The following ANKFN1 variants were observed in gnomAD, a reference collection of about 807,000 sequenced individuals.
ANKFN1 encodes the protein ankyrin repeat and fibronectin type III domain containing 1, also known as ankyrin repeat and fibronectin type-III domain-containing protein 1.
Under a neutral mutation model 108.7 loss-of-function variants are expected in ANKFN1, and 74 were observed. That is an observed-to-expected ratio of 0.68 (90% CI 0.56 to 0.83). ANKFN1 has a LOEUF of 0.83. Ranked by LOEUF, ANKFN1 falls within the 40% of genes least tolerant of loss-of-function variation. ANKFN1 has a pLI of 0.00. For synonymous variants in ANKFN1, 547 were observed against 516.2 expected (o/e 1.06, Z -0.81); for missense variants, 1,505 against 1,382.3 (o/e 1.09, Z -1.41).
chr17:56,402,117 G>A (rs1371175119), intron 8 of ANKFN1, among the ~76,000 whole-genome samples: 2 of 152,046 alleles, frequency 1.3e-5, no homozygotes, highest in Admixed American at 1.3e-4. Flanking sequence ...AAGGATTTTA[G>A]CATCTATGTT....
At chr17:56,366,498 C>G (rs1342282896) in intron 6 of ANKFN1, among the ~76,000 whole-genome samples, 1 of 152,190 alleles carries the variant, frequency 6.6e-6, no homozygotes, top group East Asian at 1.9e-4. Context: ...TCACTCACCA[C>G]TCACTCACTG....
At chr17:56,148,615 T>A (rs1908408856), upstream of ANKFN1, among the ~76,000 whole-genome samples, 1 of 151,868 alleles carries the variant, frequency 6.6e-6, no homozygotes. Flanking sequence ...AACATAGGTA[T>A]GACACAGCTA....
chr17:56,188,923 C>T lies in ANKFN1; in HGVS notation c.-70-23675C>T, dbSNP rs1395684857. Among the ~76,000 whole-genome samples, 3 of 151,918 alleles carry T rather than the reference C, an allele frequency of 2.0e-5. 1 individual carries two copies. The highest frequency in any genetic ancestry group is 2.0e-4 in the Admixed American group (3 of 15,256). On this transcript the variant is annotated intron_variant, in intron 1 of 20. Coordinates refer to ENST00000682825, the MANE Select transcript of ANKFN1 (RefSeq NM_001370326.1). ...CCATTTCCCCATCCTCTAAGGAGAG[C>T]ATAGGGACTGGAGACAGAGTTAATC...
intron 14 of ANKFN1, among the ~76,000 whole-genome samples, chr17:56,460,105 A>G (rs1397310340): frequency 6.6e-6 from 1 of 151,636 alleles, no homozygotes; most frequent in African/African-American, 2.4e-5. Flanking sequence ...TGTTAAATTC[A>G]TGACTACAAT....
intron 4 of ANKFN1, among the ~76,000 whole-genome samples, chr17:56,061,683 C>A (rs554915555): frequency 6.6e-6 from 1 of 151,944 alleles, no homozygotes; most frequent in East Asian, 1.9e-4. Flanking sequence ...AGCAATCTAT[C>A]TATTTTGTTA....
At chr17:56,275,591 C>T (rs564845594) in intron 3 of ANKFN1, among the ~76,000 whole-genome samples, 1 of 148,030 alleles carries the variant, frequency 6.8e-6, no homozygotes, top group Non-Finnish European at 1.5e-5. Context: ...GTGTCAAATA[C>T]AGTGTTTAAA....
At chr17:56,274,396 C>A (rs1480130911) in intron 3 of ANKFN1, among the ~76,000 whole-genome samples, 1 of 152,246 alleles carries the variant, frequency 6.6e-6, no homozygotes, top group East Asian at 1.9e-4. Context: ...TGGCGTGAAC[C>A]CGGGAGGCGG....
intron 4 of ANKFN1, among the ~76,000 whole-genome samples, chr17:56,078,071 A>T (rs570418797): frequency 1.4e-4 from 21 of 152,200 alleles, no homozygotes; most frequent in African/African-American, 4.6e-4. Flanking sequence ...CGGGCAGTAA[A>T]TTTGTTTAGA....
chr17:56,479,180 G>A (rs1397753325), intron 16 of ANKFN1, among the ~76,000 whole-genome samples: 1 of 152,138 alleles, frequency 6.6e-6, no homozygotes, highest in African/African-American at 2.4e-5. Context: ...CCTTGCCAAG[G>A]ATCCAGTTTT....
chr17:56,314,108 G>A (rs1026562109), intron 3 of ANKFN1, among the ~76,000 whole-genome samples: 21 of 152,192 alleles, frequency 1.4e-4, no homozygotes, highest in Non-Finnish European at 2.6e-4. Flanking sequence ...TGTCTCAGTA[G>A]TTTATTCCTT....
chr17:56,328,152 A>T (rs533413206), intron 4 of ANKFN1, among the ~76,000 whole-genome samples: 2 of 152,246 alleles, frequency 1.3e-5, no homozygotes, highest in Non-Finnish European at 2.9e-5. Context: ...CCCAAAGATC[A>T]TTAGTATTTT....
chr17:56,426,578 G>A (rs879108812), intron 8 of ANKFN1, among the ~76,000 whole-genome samples: 7 of 152,148 alleles, frequency 4.6e-5, no homozygotes, highest in East Asian at 1.9e-4. Context: ...CATACAAGCA[G>A]ATATGGAGAA....
chr17:56,364,988 G>T (rs8073983), intron 6 of ANKFN1, among the ~76,000 whole-genome samples: 14,535 of 152,064 alleles, frequency 0.096, 2,261 homozygotes, highest in African/African-American at 0.33. Flanking sequence ...GGATAAATTG[G>T]AACTATGTTT....
intron 1 of ANKFN1, among the ~76,000 whole-genome samples, chr17:56,209,627 A>G (rs956574933): frequency 1.3e-5 from 2 of 152,218 alleles, no homozygotes; most frequent in African/African-American, 4.8e-5. Flanking sequence ...AATAAATAAT[A>G]TCTTATATAA....
chr17:56,451,732 C>G (rs1418113100), intron 11 of ANKFN1, among the ~76,000 whole-genome samples: 1 of 152,104 alleles, frequency 6.6e-6, no homozygotes, highest in Non-Finnish European at 1.5e-5. Context: ...GTGTCTTTCC[C>G]TGGCAAACTG....
At chr17:56,215,201 C>T (rs1301057325) in intron 2 of ANKFN1, among the ~76,000 whole-genome samples, 2 of 152,156 alleles carry the variant, frequency 1.3e-5, no homozygotes, top group African/African-American at 2.4e-5. Flanking sequence ...GGGGATGATC[C>T]TGGAGCAGCA....
intron 8 of ANKFN1, among the ~76,000 whole-genome samples, chr17:56,408,744 G>A (rs2047997260): frequency 6.6e-6 from 1 of 152,100 alleles, no homozygotes. Context: ...TGGTTACAGA[G>A]GCAACTAGCT....
chr17:56,358,589 T>G (rs551154909), intron 6 of ANKFN1, among the ~76,000 whole-genome samples: 23 of 152,318 alleles, frequency 1.5e-4, no homozygotes, highest in African/African-American at 5.5e-4. Flanking sequence ...CCTACCTTTT[T>G]GCAAACAGCA....
intron 8 of ANKFN1, among the ~76,000 whole-genome samples, chr17:56,395,210 C>A (rs550546586): frequency 1.3e-5 from 2 of 152,078 alleles, no homozygotes; most frequent in Non-Finnish European, 2.9e-5. Flanking sequence ...AGAGAGGTGA[C>A]GAGGGTTCAT....
Sources: allele counts gnomAD v4.1 joint callset (sites outside exome capture counted in the v4.1 genomes callset), GRCh38; gene constraint gnomAD v4.1.1; transcripts MANE v1.5; gene names NCBI Gene and HGNC (gene_info 2026-07-23, HGNC 2026-07-21).